Variants in KANSL1L observed in about 807,000 individuals in gnomAD.
KANSL1L encodes KAT8 regulatory NSL complex subunit 1 like.
KANSL1L carries 25 observed loss-of-function variants against 108.6 expected under a neutral mutation model. The observed-to-expected ratio is 0.23, with a 90% confidence interval of 0.17 to 0.32. The LOEUF (loss-of-function observed/expected upper bound fraction) is 0.32. Among genes scored for constraint, KANSL1L ranks in the 10% least tolerant of loss-of-function variants. The probability of loss-of-function intolerance (pLI) is 1.00; values close to 1 mark genes in which losing one functional copy is unlikely to be tolerated. For synonymous variants in KANSL1L, 405 were observed against 395.1 expected, an observed-to-expected ratio of 1.03 and a Z score of -0.30; for missense variants, 1,137 against 1,125.7, an observed-to-expected ratio of 1.01 and a Z score of -0.14.
chr2:210,025,130 T>C lies in KANSL1L; in HGVS notation c.2538A>G (p.Gln846=). The change falls in exon 13 of 15, where the codon CAA becomes CAG. Residue 846 remains glutamine (Q), a synonymous_variant. Transcript: ENST00000281772. ...TGCTGTTTCTTCTGTGCCACTTGCT[T>C]TGCTCCCATAGTGACCACCTGGCTT... ...REQARWSLWE[Q]SKWHRRNSRA... is the part of the protein sequence containing the mutation. 1 of 1,612,498 alleles carries C rather than the reference T, an allele frequency of 6.2e-7. No homozygotes were observed. Among genetic ancestry groups the C allele is most frequent in the Non-Finnish European group, 8.5e-7 (1 of 1,178,488 alleles).
chr2:210,141,865 A>G (rs2095232215), intron 2 of KANSL1L, among the ~76,000 whole-genome samples: 1 of 152,172 alleles, frequency 6.6e-6, no homozygotes, highest in South Asian at 2.1e-4. Context: ...TGATTTGTAT[A>G]TGTGGAACCA....
intron 2 of KANSL1L, among the ~76,000 whole-genome samples, chr2:210,136,355 C>CTTTCTTGTATGGAAAGAATTTTCT (rs2095174258): frequency 1.3e-5 from 2 of 152,062 alleles, no homozygotes; most frequent in Non-Finnish European, 2.9e-5. Context: ...TACCACGCCT[C>CTTTCTTGTATGGAAAGAATTTTCT]TTCTCTTGTA....
chr2:210,111,729 T>A (rs116175922), intron 3 of KANSL1L, among the ~76,000 whole-genome samples: 1,952 of 152,174 alleles, frequency 0.013, 28 homozygotes, highest in African/African-American at 0.038. Context: ...TAACTTTTTT[T>A]AAAAAATTTT....
chr2:210,029,843 G>A lies in KANSL1L; in HGVS notation c.2231C>T (p.Ser744Phe), dbSNP rs111771745. The change falls in exon 10 of 15, where the codon TCC becomes TTC. Residue 744 changes from serine to phenylalanine, a missense_variant. Physicochemically the swap from Ser to Phe is radical, Grantham distance 155. Around this residue, in one of 3 missense-constraint regions of KANSL1L, gnomAD observed 575 missense variants for 567.1 expected, o/e 1.01. Coordinates refer to ENST00000281772, the MANE Select transcript of KANSL1L (RefSeq NM_152519.4). ...SGSHSNFTAV[S>F]NVNVLSRIQN... ...GATTCTTGATAAAACGTTGACATTG[G>A]AAACAGCAGTAAAATTGCTATGGGA... 1.2e-6 allele frequency: 2 copies of A among 1,606,260 alleles called. No homozygotes were observed. Among genetic ancestry groups the A allele is most frequent in the Middle Eastern group, 1.7e-4 (1 of 6,048 alleles).
At chr2:210,161,347 T>C (rs1409532875) in intron 1 of KANSL1L, among the ~76,000 whole-genome samples, 3 of 152,076 alleles carry the variant, frequency 2.0e-5, no homozygotes, top group Non-Finnish European at 4.4e-5. Context: ...TCTTAAATCA[T>C]ATCATTCTAA....
At chr2:210,023,762 T>C (rs1293288411) in intron 14 of KANSL1L, among the ~76,000 whole-genome samples, 1 of 152,176 alleles carries the variant, frequency 6.6e-6, no homozygotes, top group Non-Finnish European at 1.5e-5. Context: ...GGTGCTATTC[T>C]TCATTAATCA....
chr2:210,164,608 A>C lies in KANSL1L; in HGVS notation c.-30+6541T>G, dbSNP rs538195036. ...CTAAAAGAATTTAGTCTAATGATGC[A>C]GAACTTCGAAGAACCTAGAAGGAAG... On this transcript the variant is annotated intron_variant, in intron 1 of 14. Coordinates refer to ENST00000281772, the MANE Select transcript of KANSL1L (RefSeq NM_152519.4). 3.3e-5 allele frequency among the ~76,000 whole-genome samples: 5 copies of C among 152,296 alleles called. 1 individual carries two copies. In the Middle Eastern group the frequency reaches 0.017, roughly 518 times the overall value.
In KANSL1L at chr2:210,162,072, A is replaced by AT. The variant is rs1487349238; in HGVS notation, c.-29-7462_-29-7461insA. On this transcript the variant is annotated intron_variant, in intron 1 of 14. Coordinates refer to ENST00000281772, the MANE Select transcript of KANSL1L (RefSeq NM_152519.4). ...AGACCCTGTCTCTATTTAAAAAAAA[A>AT]AAAAATATATATATATACACACACA... Among the ~76,000 whole-genome samples, 1,199 of 144,792 alleles carry AT rather than the reference A, an allele frequency of 8.3e-3. 11 individuals are homozygous for AT. The highest frequency in any genetic ancestry group is 0.022 in the African/African-American group (879 of 39,554). The allele number at this position is 144,792 out of a possible 152,430, so 95.0% of individuals were successfully genotyped here.
intron 3 of KANSL1L, among the ~76,000 whole-genome samples, chr2:210,115,091 T>C (rs913157586): frequency 6.6e-6 from 1 of 152,104 alleles, no homozygotes; most frequent in East Asian, 1.9e-4. Context: ...AAGTCTATCC[T>C]TTTTAGTAAT....
At chr2:210,096,707 T>A in intron 5 of KANSL1L, 1 of 961,468 alleles carries the variant, frequency 1.0e-6, no homozygotes, top group Non-Finnish European at 1.2e-6. Context: ...AATGAAAATA[T>A]CATAGTTATC....
intron 2 of KANSL1L, among the ~76,000 whole-genome samples, chr2:210,138,911 C>T (rs1247028106): frequency 6.6e-6 from 1 of 151,972 alleles, no homozygotes; most frequent in Non-Finnish European, 1.5e-5. Flanking sequence ...CCAGCCTGGA[C>T]AACATGGCGA....
chr2:210,084,162 C>T (rs1304952082), intron 5 of KANSL1L, among the ~76,000 whole-genome samples: 1 of 152,114 alleles, frequency 6.6e-6, no homozygotes, highest in Non-Finnish European at 1.5e-5. Flanking sequence ...TGGCTCATGC[C>T]TGTAATCCCA....
intron 6 of KANSL1L, among the ~76,000 whole-genome samples, chr2:210,067,480 T>C (rs1247439695): frequency 6.6e-6 from 1 of 152,000 alleles, no homozygotes; most frequent in Non-Finnish European, 1.5e-5. Flanking sequence ...GGGCAGATAC[T>C]TGAGCTCAGA....
intron 3 of KANSL1L, among the ~76,000 whole-genome samples, chr2:210,122,394 A>G (rs1290128417): frequency 1.3e-5 from 2 of 152,140 alleles, no homozygotes; most frequent in African/African-American, 2.4e-5. Context: ...TATACAGTTA[A>G]CTCATTTTCA....
At chr2:210,112,892 T>C (rs1459630886) in intron 3 of KANSL1L, among the ~76,000 whole-genome samples, 1 of 152,166 alleles carries the variant, frequency 6.6e-6, no homozygotes, top group Non-Finnish European at 1.5e-5. Context: ...GCTTGGACAG[T>C]AAATGTGCAG....
At chr2:210,114,270 A>C (rs891781708) in intron 3 of KANSL1L, among the ~76,000 whole-genome samples, 7 of 152,256 alleles carry the variant, frequency 4.6e-5, no homozygotes, top group Non-Finnish European at 7.4e-5. Flanking sequence ...AGGTCAACAT[A>C]TTCAAAGCAA....
chr2:210,157,090 G>T (rs1327455218), intron 1 of KANSL1L, among the ~76,000 whole-genome samples: 1 of 151,610 alleles, frequency 6.6e-6, no homozygotes, highest in African/African-American at 2.4e-5. Context: ...TTTCTTCCAA[G>T]ATTCAAGTTG....
intron 6 of KANSL1L, among the ~76,000 whole-genome samples, chr2:210,053,493 G>A (rs2094315518): frequency 6.6e-6 from 1 of 151,904 alleles, no homozygotes; most frequent in African/African-American, 2.4e-5. Context: ...GCTACTTGAG[G>A]GGCTGAGGCA....
rs71043973 is a variant in KANSL1L, at chr2:210,123,834, TA to T, written c.1230+5196del. Among the ~76,000 whole-genome samples the T allele has an allele frequency of 1.2e-3, 179 of 145,616 alleles. 1 individual carries two copies. The highest frequency in any genetic ancestry group is 1.7e-3 in the Admixed American group (25 of 14,570). On this transcript the variant is annotated intron_variant, in intron 3 of 14. Transcript: ENST00000281772. ...GTACCCACAAAAGTATTTTTTAAGTTAAAAAAAAAAAGCACAAGGAGACAGT... is the reference window on the plus strand; with the variant it reads ...GTACCCACAAAAGTATTTTTTAAGTTAAAAAAAAAAGCACAAGGAGACAGT...
Sources: gnomAD v4.1 joint callset for allele counts (sites outside exome capture counted in the v4.1 genomes callset) on GRCh38, gnomAD v4.1.1 for gene constraint, gnomAD v4.1.1 regional missense constraint, MANE v1.5 for transcripts, NCBI Gene and HGNC (gene_info 2026-07-23, HGNC 2026-07-21) for gene names.